Variants in ZHX2 observed in about 807,000 individuals in gnomAD.
ZHX2 encodes zinc fingers and homeoboxes 2, also known as zinc fingers and homeoboxes protein 2.
In ZHX2, 6 loss-of-function variants were observed where a neutral mutation model predicts 21.9. The ratio of observed to expected loss-of-function variants is 0.27; its 90% CI spans 0.15 to 0.54. The LOEUF (loss-of-function observed/expected upper bound fraction) is 0.54. Ranked by LOEUF, ZHX2 falls within the 20% of genes least tolerant of loss-of-function variation. ZHX2 has a pLI of 0.95. For synonymous variants in ZHX2, 434 were observed against 437.1 expected (o/e 0.99, Z 0.09); for missense variants, 908 against 1,090.7 (o/e 0.83, Z 2.36).
chr8:122,945,434 T>G, intron 2 of ZHX2, among the ~76,000 whole-genome samples: 2 of 36,618 alleles, frequency 5.5e-5, no homozygotes, highest in South Asian at 1.0e-3. Context: ...ACCCTGTCTC[T>G]GCAAAAAAAA....
intron 2 of ZHX2, among the ~76,000 whole-genome samples, chr8:122,876,697 A>G (rs1054606379): frequency 9.9e-5 from 15 of 152,166 alleles, no homozygotes; most frequent in Admixed American, 7.9e-4. Context: ...TTGTACACCG[A>G]TCGGCTAATT....
At position 122,953,790 on chromosome 8, in the gene ZHX2, G is replaced by C; in HGVS notation, c.2280G>C (p.Leu760Phe). The C allele has an allele frequency of 6.2e-7, 1 of 1,614,258 alleles. No homozygotes were observed. The highest frequency in any genetic ancestry group is 8.5e-7 in the Non-Finnish European group (1 of 1,180,054). Reference protein sequence around the residue: ...KVGSEPAKDCLPAKPSEATSD... With the variant: ...KVGSEPAKDCFPAKPSEATSD... ...GCAGCGAGCCAGCAAAAGACTGTTT[G>C]CCAGCAAAGCCCTCAGAGGCCACCT... The change falls in exon 3 of 4, where the codon TTG (leucine) becomes TTC (phenylalanine). Residue 760 changes from leucine (L) to phenylalanine (F), a missense_variant. Leu to Phe is a conservative substitution (Grantham distance 22). Transcript: ENST00000314393. The surrounding 1 kb of genome is among the most constrained non-coding windows in gnomAD (Gnocchi z 4.6).
At chr8:122,809,519 G>A (rs901446037) in intron 1 of ZHX2, among the ~76,000 whole-genome samples, 1 of 151,506 alleles carries the variant, frequency 6.6e-6, no homozygotes, top group African/African-American at 2.4e-5. Context: ...AAAAAAAAGA[G>A]AGAAAGGAAA....
rs757779343 is a variant in ZHX2, at chr8:122,952,100, A to G, written c.590A>G (p.Lys197Arg). The change falls in exon 3 of 4, where the codon AAG (lysine) becomes AGG (arginine). Residue 197 changes from lysine (K) to arginine (R), a missense_variant. By Grantham distance (26) the Lys-to-Arg change is conservative (BLOSUM62 2). Transcript: ENST00000314393. This position sits in a 1 kb window ranked among gnomAD's most constrained non-coding sequence, Gnocchi z 6.9. The part of the protein sequence containing the change: ...MKPGKPKADA[K>R]KVPKKPEEIT... Reference sequence around the variant, plus strand: ...CCTGGAAAACCAAAAGCGGATGCCAAGAAGGTGCCCAAGAAGCCCGAGGAG... The same window carrying G: ...CCTGGAAAACCAAAAGCGGATGCCAGGAAGGTGCCCAAGAAGCCCGAGGAG... 2 of 1,613,852 alleles carry G rather than the reference A, an allele frequency of 1.2e-6. No homozygotes were observed. The highest frequency in any genetic ancestry group is 3.3e-5 in the Admixed American group (2 of 60,014).
chr8:122,962,473 G>C (rs1277892498), intron 3 of ZHX2, among the ~76,000 whole-genome samples: 3 of 152,206 alleles, frequency 2.0e-5, no homozygotes, highest in African/African-American at 7.2e-5. Flanking sequence ...TTTTATGGCT[G>C]AGTAGTATTC....
intron 2 of ZHX2, among the ~76,000 whole-genome samples, chr8:122,932,476 C>G (rs905249242): frequency 6.6e-6 from 1 of 152,210 alleles, no homozygotes; most frequent in African/African-American, 2.4e-5. Context: ...CAAAGCACAT[C>G]ACACCAATGT....
chr8:122,922,485 G>A (rs1193420472), intron 2 of ZHX2, among the ~76,000 whole-genome samples: 1 of 152,204 alleles, frequency 6.6e-6, no homozygotes, highest in Non-Finnish European at 1.5e-5. Context: ...GCTCCTGTGA[G>A]ACTCTGAGAA....
chr8:122,949,685 C>G (rs1029479833), intron 2 of ZHX2, among the ~76,000 whole-genome samples: 6 of 152,056 alleles, frequency 3.9e-5, no homozygotes, highest in African/African-American at 1.4e-4. Context: ...GACAACATGG[C>G]AAAACCCTGT....
intron 2 of ZHX2, among the ~76,000 whole-genome samples, chr8:122,943,609 C>T (rs538161897): frequency 1.1e-4 from 17 of 152,302 alleles, no homozygotes; most frequent in African/African-American, 2.9e-4. Context: ...CCAAACCCAA[C>T]GGGCGAAAGT....
At chr8:122,912,539 A>G (rs1399313251) in intron 2 of ZHX2, among the ~76,000 whole-genome samples, 1 of 152,202 alleles carries the variant, frequency 6.6e-6, no homozygotes. Context: ...AGCCTCGTCT[A>G]TGGCACTGAG....
chr8:122,954,605 G>A (rs929407561), intron 3 of ZHX2, among the ~76,000 whole-genome samples: 92 of 152,152 alleles, frequency 6.0e-4, no homozygotes, highest in African/African-American at 2.0e-3. Context: ...CACTGAGCCC[G>A]GCTGATGAGT....
At chr8:122,876,063 C>A (rs998503897) in intron 2 of ZHX2, among the ~76,000 whole-genome samples, 5 of 151,270 alleles carry the variant, frequency 3.3e-5, no homozygotes, top group Non-Finnish European at 5.9e-5. Flanking sequence ...ATCCACCTAC[C>A]CATCCACCCA....
intron 1 of ZHX2, among the ~76,000 whole-genome samples, chr8:122,859,774 C>T (rs1187574103): frequency 1.3e-5 from 2 of 152,122 alleles, no homozygotes; most frequent in Admixed American, 6.6e-5. Context: ...TGTCTTTCCC[C>T]TTTTTTATGC....
chr8:122,851,846 AC>A (rs1563754288), intron 1 of ZHX2, among the ~76,000 whole-genome samples: 2 of 152,188 alleles, frequency 1.3e-5, no homozygotes, highest in Non-Finnish European at 2.9e-5. Context: ...TTACTCCAGA[AC>A]CCACTCTCTG....
At chr8:122,961,817 G>A in intron 3 of ZHX2, among the ~76,000 whole-genome samples, 1 of 152,144 alleles carries the variant, frequency 6.6e-6, no homozygotes, top group Non-Finnish European at 1.5e-5. Context: ...AGATTTGGGT[G>A]GGGACACAAA....
At chr8:122,888,586 G>A (rs1450301091) in intron 2 of ZHX2, among the ~76,000 whole-genome samples, 1 of 152,114 alleles carries the variant, frequency 6.6e-6, no homozygotes, top group African/African-American at 2.4e-5. Flanking sequence ...GGTTCAAAAC[G>A]ATTCTCCTGC....
In ZHX2 at chr8:122,946,040, G is replaced by A. The variant is rs533070935; in HGVS notation, c.-219-5252G>A. Among the ~76,000 whole-genome samples, 9 of 152,324 alleles carry A rather than the reference G, an allele frequency of 5.9e-5. No homozygotes were observed. In the South Asian group the frequency reaches 6.2e-4, roughly 11 times the overall value. Reference sequence around the variant, plus strand: ...GACACTGGCCCAGGGCAAGAACCACGACTTGCAACAGGTCTGCTGGGACAC... The same window carrying A: ...GACACTGGCCCAGGGCAAGAACCACAACTTGCAACAGGTCTGCTGGGACAC... On this transcript the variant is annotated intron_variant, in intron 2 of 3. Transcript: ENST00000314393.
At chr8:122,907,362 C>T (rs896383310) in intron 2 of ZHX2, among the ~76,000 whole-genome samples, 4 of 152,090 alleles carry the variant, frequency 2.6e-5, no homozygotes, top group Non-Finnish European at 4.4e-5. Context: ...AGACTCCAAG[C>T]GGGAGGGAGC....
intron 1 of ZHX2, among the ~76,000 whole-genome samples, chr8:122,795,931 G>A (rs1271939351): frequency 6.6e-6 from 1 of 152,188 alleles, no homozygotes; most frequent in Non-Finnish European, 1.5e-5. Context: ...AGCACTTTGG[G>A]AGGCCGGAGG....
Sources: gnomAD v4.1 joint callset for allele counts (sites outside exome capture counted in the v4.1 genomes callset) on GRCh38, gnomAD v4.1.1 for gene constraint, Gnocchi (gnomAD v3.1) non-coding constraint, MANE v1.5 for transcripts, NCBI Gene and HGNC (gene_info 2026-07-23, HGNC 2026-07-21) for gene names.